DNAH7: variants seen among roughly 807,000 people sequenced by gnomAD.
DNAH7 encodes the protein dynein axonemal heavy chain 7, also known as axonemal beta dynein heavy chain 7.
DNAH7 carries 397 observed loss-of-function variants against 444.6 expected under a neutral mutation model. That is an observed-to-expected ratio of 0.89 (90% confidence interval 0.82 to 0.97). DNAH7 has a LOEUF of 0.97. Among genes scored for constraint, DNAH7 ranks in the 50% least tolerant of loss-of-function variants. DNAH7 has a pLI of 0.00. For synonymous variants in DNAH7, 1,636 were observed against 1,624.4 expected (o/e 1.01, Z -0.17); for missense variants, 4,902 against 4,800.8 (o/e 1.02, Z -0.62).
intron 5 of DNAH7, among the ~76,000 whole-genome samples, chr2:196,030,795 C>A (rs192506554): frequency 6.6e-6 from 1 of 152,370 alleles, no homozygotes; most frequent in East Asian, 1.9e-4. Context: ...GAGGTGGGTT[C>A]CCATGGTCTT....
At chr2:195,973,118 A>G (rs1691958600) in intron 15 of DNAH7, among the ~76,000 whole-genome samples, 1 of 152,190 alleles carries the variant, frequency 6.6e-6, no homozygotes, top group South Asian at 2.1e-4. Context: ...GGCAAGAAGG[A>G]GCAAGGGTAA....
intron 44 of DNAH7, 126 bp from the exon 45 acceptor site, chr2:195,856,117 C>T (rs563733530): frequency 4.7e-5 from 38 of 812,700 alleles, no homozygotes; most frequent in Non-Finnish European, 5.8e-5. Flanking sequence ...AAATCTAAAC[C>T]GATTTCCATA....
In DNAH7 at chr2:195,824,283, G is replaced by A. The variant is rs1331661383; in HGVS notation, c.9263C>T (p.Pro3088Leu). ...RFYITTKLRN[P>L]HYLPETSVKV... Reference sequence around the variant, plus strand: ...TACTGATGTTTCAGGAAGATAATGAGGATTTCTTAACTTGGTAGTAATATA... The same window carrying A: ...TACTGATGTTTCAGGAAGATAATGAAGATTTCTTAACTTGGTAGTAATATA... The change falls in exon 49 of 65, where the codon CCT becomes CTT. Residue 3088 changes from proline to leucine, a missense_variant. Transcript: ENST00000312428. 6.2e-7 allele frequency: 1 copy of A among 1,613,002 alleles called. No individual in the cohort carries two copies. The highest frequency in any genetic ancestry group is 2.2e-5 in the East Asian group (1 of 44,838).
At chr2:196,024,133 G>A (rs1265750410) in intron 8 of DNAH7, among the ~76,000 whole-genome samples, 3 of 152,050 alleles carry the variant, frequency 2.0e-5, no homozygotes, top group African/African-American at 4.8e-5. Context: ...CTGACACAGA[G>A]ACACAAAGTG....
intron 63 of DNAH7, among the ~76,000 whole-genome samples, chr2:195,752,615 A>G (rs142218900): frequency 6.6e-6 from 1 of 152,114 alleles, no homozygotes; most frequent in African/African-American, 2.4e-5. Context: ...TAGTCCCAGG[A>G]CTCAGTCCTT....
At chr2:195,888,708 TA>T in intron 32 of DNAH7, 90 bp downstream of exon 32, 1 of 1,310,812 alleles carries the variant, frequency 7.6e-7, no homozygotes, top group Non-Finnish European at 1.0e-6. Flanking sequence ...ATTCTGCTAA[TA>T]TTTTTTGTTT....
At chr2:195,798,270 G>A (rs1036197602) in intron 55 of DNAH7, among the ~76,000 whole-genome samples, 1 of 152,040 alleles carries the variant, frequency 6.6e-6, no homozygotes, top group Admixed American at 6.6e-5. Flanking sequence ...CTACCTTATG[G>A]AGTTGTAGAA....
intron 10 of DNAH7, among the ~76,000 whole-genome samples, chr2:196,008,988 A>G (rs989745380): frequency 2.0e-5 from 3 of 152,086 alleles, no homozygotes; most frequent in African/African-American, 7.2e-5. Context: ...CAGAAGGTGA[A>G]GGGGGAGCAG....
chr2:195,794,387 AG>A lies in DNAH7; in HGVS notation c.10666del (p.Leu3556SerfsTer43), dbSNP rs1696037342. 3 of 1,613,990 alleles carry A rather than the reference AG, an allele frequency of 1.9e-6. No homozygotes were observed. The East Asian group carries it at 6.7e-5, about 36-fold the overall frequency. Reference sequence around the variant, plus strand: ...CTCCGGATCAGAGATCGGGTCCATGAGGTATGATCGAATGATATTAGCCCGT... The same window carrying A: ...CTCCGGATCAGAGATCGGGTCCATGAGTATGATCGAATGATATTAGCCCGT... ...GLRANIIRSY[L>X]MDPISDPEFF... is the part of the protein sequence containing the mutation. On this transcript the variant is annotated frameshift_variant, in exon 57 of 65. Coordinates refer to ENST00000312428, the MANE Select transcript of DNAH7 (RefSeq NM_018897.3). LOFTEE classifies it high-confidence loss of function.
intron 51 of DNAH7, among the ~76,000 whole-genome samples, chr2:195,816,293 G>A (rs1054502865): frequency 7.9e-5 from 12 of 152,158 alleles, no homozygotes; most frequent in African/African-American, 2.2e-4. Context: ...ATGCCAGTTC[G>A]TACAGGAGTC....
chr2:195,947,421 C>A (rs1313473413), intron 19 of DNAH7, among the ~76,000 whole-genome samples: 1 of 151,900 alleles, frequency 6.6e-6, no homozygotes, highest in African/African-American at 2.4e-5. Flanking sequence ...TTAGGTATTT[C>A]TCCTAATGCT....
rs1158288500 is a variant in DNAH7, at chr2:195,906,909, C to G, written c.4205G>C (p.Arg1402Thr). 1 of 1,612,520 alleles carries G rather than the reference C, an allele frequency of 6.2e-7. No individual in the cohort carries two copies. Among genetic ancestry groups the G allele is most frequent in the Non-Finnish European group, 8.5e-7 (1 of 1,179,298 alleles). Residue 1402 changes from arginine to threonine, a missense_variant and splice_region_variant, in exon 26 of 65, where the codon AGA becomes ACA. By Grantham distance (71) the Arg-to-Thr change is moderately conservative. Transcript: ENST00000312428. ...GCAAAGACAAACTAGTCCATTACCTCTTTGGATAGTAAGGATTTGTTGAGC... is the reference window on the plus strand; with the variant it reads ...GCAAAGACAAACTAGTCCATTACCTGTTTGGATAGTAAGGATTTGTTGAGC... ...VVAQQILTIQRGINAGADILM... is the reference protein window; with the variant it reads ...VVAQQILTIQTGINAGADILM...
At chr2:195,773,477 A>T (rs1574409527) in intron 60 of DNAH7, among the ~76,000 whole-genome samples, 1 of 149,190 alleles carries the variant, frequency 6.7e-6, no homozygotes, top group South Asian at 2.1e-4. Context: ...AAAAAAAAAA[A>T]TTTAATAACG....
At position 195,960,440 on chromosome 2, in the gene DNAH7, G is replaced by A. The variant is rs761073211; in HGVS notation, c.2711C>T (p.Ala904Val). The A allele has an allele frequency of 4.5e-5, 73 of 1,613,972 alleles. No homozygotes were observed. Among genetic ancestry groups the A allele is most frequent in the East Asian group, 6.7e-5 (3 of 44,898 alleles). ...AASKEYSLEK[A>V]MEKMITEWDA... ...CCACTCAGTAATCATCTTCTCCATC[G>A]CCTTTTCAAGAGAATATTCTTTGCT... The change falls in exon 18 of 65, where the codon GCG becomes GTG. Residue 904 changes from alanine to valine, a missense_variant. By Grantham distance (64) the Ala-to-Val change is moderately conservative. Coordinates refer to ENST00000312428, the MANE Select transcript of DNAH7 (RefSeq NM_018897.3).
chr2:195,844,504 C>G (rs1173721126), intron 47 of DNAH7, among the ~76,000 whole-genome samples: 1 of 152,162 alleles, frequency 6.6e-6, no homozygotes, highest in Non-Finnish European at 1.5e-5. Flanking sequence ...CCAGACTACA[C>G]AGGTTTTCTC....
intron 40 of DNAH7, 34 bp from the exon 41 acceptor site, chr2:195,865,055 T>G (rs1700249683): frequency 1.3e-6 from 2 of 1,520,936 alleles, no homozygotes; most frequent in Non-Finnish European, 1.7e-6. Flanking sequence ...TTTAGAAACT[T>G]TCTTCTGATT....
At chr2:195,838,281 A>C (rs1698488961) in intron 47 of DNAH7, among the ~76,000 whole-genome samples, 1 of 152,146 alleles carries the variant, frequency 6.6e-6, no homozygotes, top group Non-Finnish European at 1.5e-5. Context: ...CTAGAGTCTC[A>C]TATTCAAAAT....
intron 28 of DNAH7, among the ~76,000 whole-genome samples, chr2:195,899,313 G>A (rs1686546276): frequency 6.6e-6 from 1 of 152,262 alleles, no homozygotes; most frequent in East Asian, 1.9e-4. Flanking sequence ...CTTTGAAAAA[G>A]AATGATAGGA....
At chr2:195,968,193 G>C (rs896476435) in intron 17 of DNAH7, among the ~76,000 whole-genome samples, 8 of 151,996 alleles carry the variant, frequency 5.3e-5, no homozygotes, top group Non-Finnish European at 1.2e-4. Flanking sequence ...GTCCCACCTG[G>C]TTCTCTATCC....
Sources: gnomAD v4.1 joint callset for allele counts (sites outside exome capture counted in the v4.1 genomes callset) on GRCh38, gnomAD v4.1.1 for gene constraint, MANE v1.5 for transcripts, NCBI Gene and HGNC (gene_info 2026-07-23, HGNC 2026-07-21) for gene names.